PDE4B: variants seen among roughly 807,000 people sequenced by gnomAD.
The protein encoded by PDE4B is phosphodiesterase 4B.
Under a neutral mutation model 82.2 loss-of-function variants are expected in PDE4B, and 20 were observed. The observed-to-expected ratio is 0.24, with a 90% confidence interval of 0.17 to 0.35. The LOEUF is 0.35. Ranked by LOEUF, PDE4B falls within the 10% of genes least tolerant of loss-of-function variation. The pLI is 1.00. For synonymous variants in PDE4B, 320 were observed against 318.9 expected, an observed-to-expected ratio of 1.00 and a Z score of -0.04; for missense variants, 655 against 907.2, an observed-to-expected ratio of 0.72 and a Z score of 3.57.
At chr1:65,920,505 T>C (rs1446290469) in intron 3 of PDE4B, among the ~76,000 whole-genome samples, 1 of 152,238 alleles carries the variant, frequency 6.6e-6, no homozygotes, top group Non-Finnish European at 1.5e-5. Context: ...CTTAGAAATA[T>C]CAAATCTAGA....
chr1:66,165,953 A>G (rs563747137), intron 3 of PDE4B, among the ~76,000 whole-genome samples: 69 of 109,908 alleles, frequency 6.3e-4, no homozygotes, highest in Middle Eastern at 4.2e-3. Context: ...CCTTGAGGGG[A>G]AAAAAAAAAA....
At chr1:65,855,075 C>T (rs923646371) in intron 1 of PDE4B, among the ~76,000 whole-genome samples, 4 of 151,160 alleles carry the variant, frequency 2.6e-5, no homozygotes, top group African/African-American at 9.7e-5. Flanking sequence ...ATTTCTCTCT[C>T]ATGTGTAAAT....
chr1:65,795,755 C>T (rs1003527785), intron 1 of PDE4B, among the ~76,000 whole-genome samples: 1 of 152,234 alleles, frequency 6.6e-6, no homozygotes, highest in Non-Finnish European at 1.5e-5. Flanking sequence ...TGCAGCTCTA[C>T]TTCTCTCTTT....
At chr1:65,849,254 T>C (rs543209100) in intron 1 of PDE4B, among the ~76,000 whole-genome samples, 2 of 152,270 alleles carry the variant, frequency 1.3e-5, no homozygotes, top group South Asian at 4.1e-4. Context: ...ACTGGAGAGA[T>C]ACTCAAGGAG....
At chr1:66,180,862 A>G (rs1401064090) in intron 3 of PDE4B, among the ~76,000 whole-genome samples, 1 of 152,210 alleles carries the variant, frequency 6.6e-6, no homozygotes, top group South Asian at 2.1e-4. Flanking sequence ...TGTGTCCACT[A>G]TCTAGCACTG....
intron 3 of PDE4B, among the ~76,000 whole-genome samples, chr1:66,081,828 CTCTCTGTGTG>C (rs1477191385): frequency 0.016 from 1,831 of 113,100 alleles, 47 homozygotes; most frequent in African/African-American, 0.054. Context: ...CTCTCTCTCT[CTCTCTGTGTG>C]TGTGTGTGTG....
At chr1:66,119,424 A>C (rs1008664819) in intron 3 of PDE4B, among the ~76,000 whole-genome samples, 3 of 152,346 alleles carry the variant, frequency 2.0e-5, no homozygotes, top group African/African-American at 7.2e-5. Flanking sequence ...GCAGCTGGCA[A>C]CATGTATGGG....
chr1:65,840,075 G>A (rs964116408), intron 1 of PDE4B, among the ~76,000 whole-genome samples: 1 of 152,088 alleles, frequency 6.6e-6, no homozygotes, highest in African/African-American at 2.4e-5. Context: ...ACCACATGAG[G>A]ATAAAAAAGA....
At chr1:66,356,505 C>T (rs1340027618) in intron 9 of PDE4B, among the ~76,000 whole-genome samples, 5 of 152,206 alleles carry the variant, frequency 3.3e-5, no homozygotes, top group South Asian at 2.1e-4. Flanking sequence ...TACTGAATTA[C>T]GCTTGCTTAT....
At chr1:66,108,009 A>G (rs553294844) in intron 3 of PDE4B, among the ~76,000 whole-genome samples, 1 of 152,108 alleles carries the variant, frequency 6.6e-6, no homozygotes, top group East Asian at 1.9e-4. Context: ...TATTTATGGT[A>G]CACAGCATGA....
intron 1 of PDE4B, among the ~76,000 whole-genome samples, chr1:65,883,975 G>A (rs554361284): frequency 9.9e-5 from 15 of 152,226 alleles, no homozygotes; most frequent in African/African-American, 3.4e-4. Context: ...ATGTGCGTGT[G>A]TTGAACCAGC....
chr1:66,199,140 T>G (rs1648630142), intron 3 of PDE4B, among the ~76,000 whole-genome samples: 1 of 151,862 alleles, frequency 6.6e-6, no homozygotes, highest in African/African-American at 2.4e-5. Flanking sequence ...ATGGGATGGC[T>G]GGGTCAAATG....
chr1:66,120,994 T>A (rs931138928), intron 3 of PDE4B, among the ~76,000 whole-genome samples: 11 of 152,190 alleles, frequency 7.2e-5, no homozygotes, highest in African/African-American at 2.7e-4. Flanking sequence ...CCCCATAGTG[T>A]CATGTACATT....
intron 9 of PDE4B, among the ~76,000 whole-genome samples, chr1:66,357,617 C>T (rs902763695): frequency 6.6e-6 from 1 of 151,772 alleles, no homozygotes; most frequent in African/African-American, 2.4e-5. Flanking sequence ...AATCTCAATC[C>T]TTATAGACTC....
At chr1:65,839,254 A>ATT (rs1218379862) in intron 1 of PDE4B, among the ~76,000 whole-genome samples, 121 of 145,890 alleles carry the variant, frequency 8.3e-4, no homozygotes, top group African/African-American at 2.4e-3. Flanking sequence ...AATACCAATG[A>ATT]TTTTTTTTTT....
chr1:65,794,186 ACT>A (rs1645606117), intron 1 of PDE4B, among the ~76,000 whole-genome samples: 1 of 152,064 alleles, frequency 6.6e-6, no homozygotes, highest in South Asian at 2.1e-4. Context: ...AGAAATGGTA[ACT>A]CTATGCATTC....
chr1:65,933,306 C>G (rs927904423), intron 3 of PDE4B, among the ~76,000 whole-genome samples: 7 of 151,454 alleles, frequency 4.6e-5, no homozygotes, highest in African/African-American at 1.7e-4. Context: ...ATGATATATT[C>G]AAAGTGCTGA....
rs546348458 is a variant in PDE4B, at chr1:66,281,826, AT to A, written c.634+15747del. Among the ~76,000 whole-genome samples the A allele has an allele frequency of 4.1e-4, 63 of 152,068 alleles. 1 individual carries two copies. The highest frequency in any genetic ancestry group is 1.3e-3 in the African/African-American group (55 of 41,474). ...TCTATTAAGTCAATATCATTATCCC[AT>A]TTTTTTTAACCAATAAAACTATGCC... On this transcript the variant is annotated intron_variant, in intron 7 of 16. Transcript: ENST00000341517.
chr1:66,055,194 CT>C (rs1204226518), intron 3 of PDE4B, among the ~76,000 whole-genome samples: 8 of 152,200 alleles, frequency 5.3e-5, no homozygotes, highest in Non-Finnish European at 8.8e-5. Context: ...AATTTCTAGA[CT>C]CTGTCTTTGA....
Sources: allele counts gnomAD v4.1 joint callset (sites outside exome capture counted in the v4.1 genomes callset), GRCh38; gene constraint gnomAD v4.1.1; transcripts MANE v1.5; gene names NCBI Gene and HGNC (gene_info 2026-07-23, HGNC 2026-07-21).